Variants in ZEB1 observed in about 807,000 individuals in gnomAD.
ZEB1 encodes zinc finger E-box-binding homeobox 1.
Under a neutral mutation model 84.9 loss-of-function variants are expected in ZEB1, and 21 were observed. The observed-to-expected ratio is 0.25, with a 90% CI of 0.18 to 0.36. The LOEUF (loss-of-function observed/expected upper bound fraction) is 0.36, where lower values mean the gene tolerates loss of function less well. Ranked by LOEUF, ZEB1 falls within the 10% of genes least tolerant of loss-of-function variation. The probability of loss-of-function intolerance (pLI) is 1.00; values close to 1 mark genes in which losing one functional copy is unlikely to be tolerated. For synonymous variants in ZEB1, 420 were observed against 471.1 expected (o/e 0.89, Z 1.41); for missense variants, 1,104 against 1,330.2 (o/e 0.83, Z 2.65).
At chr10:31,455,126 G>C (rs1306610365) in intron 1 of ZEB1, among the ~76,000 whole-genome samples, 1 of 152,150 alleles carries the variant, frequency 6.6e-6, no homozygotes, top group African/African-American at 2.4e-5. Context: ...ACAACCATCT[G>C]ATCTTTGACA....
At chr10:31,356,779 G>A (rs753233046) in intron 1 of ZEB1, among the ~76,000 whole-genome samples, 2 of 152,154 alleles carry the variant, frequency 1.3e-5, no homozygotes, top group Non-Finnish European at 2.9e-5. Context: ...ATAATAATGA[G>A]ACTGGGGCTT....
intron 1 of ZEB1, among the ~76,000 whole-genome samples, chr10:31,459,049 A>C (rs1423749767): frequency 6.6e-6 from 1 of 152,158 alleles, no homozygotes; most frequent in Non-Finnish European, 1.5e-5. Flanking sequence ...CTTATAGCTT[A>C]CAGTTGGGCA....
chr10:31,356,394 A>G, intron 1 of ZEB1, among the ~76,000 whole-genome samples: 1 of 151,892 alleles, frequency 6.6e-6, no homozygotes, highest in Non-Finnish European at 1.5e-5. Flanking sequence ...TGTTTACACC[A>G]CTTATTAATG....
rs769756431 is a variant in ZEB1 at position 31,319,311 on chromosome 10, C to A, written c.58+19C>A. ...AATAACGGTGAGTGGCGGAGGGGAC[C>A]GGGGAGCGGCGGAGTCAGGGGGAGC... On this transcript the variant is annotated intron_variant, in intron 1 of 8. Coordinates refer to ENST00000424869, the MANE Select transcript of ZEB1 (RefSeq NM_001174096.2). 1 of 1,591,978 alleles carries A rather than the reference C, an allele frequency of 6.3e-7. No individual in the cohort carries two copies. The highest frequency in any genetic ancestry group is 8.5e-7 in the Non-Finnish European group (1 of 1,170,916).
chr10:31,399,897 C>A (rs796306897), intron 1 of ZEB1, among the ~76,000 whole-genome samples: 32 of 152,306 alleles, frequency 2.1e-4, no homozygotes, highest in African/African-American at 7.2e-4. Flanking sequence ...TAGAACATGC[C>A]AGGCAAGTTC....
At chr10:31,408,728 T>A (rs2135705200) in intron 1 of ZEB1, among the ~76,000 whole-genome samples, 1 of 145,848 alleles carries the variant, frequency 6.9e-6, no homozygotes, top group East Asian at 2.0e-4. Context: ...TCCTTACACC[T>A]TATACAAAAA....
chr10:31,346,563 GT>G (rs143806126), intron 1 of ZEB1, among the ~76,000 whole-genome samples: 161 of 149,024 alleles, frequency 1.1e-3, no homozygotes, highest in African/African-American at 3.2e-3. Flanking sequence ...TGCACGTAGA[GT>G]TTTTTTTTTC....
chr10:31,353,888 T>A (rs2041701074), intron 1 of ZEB1, among the ~76,000 whole-genome samples: 1 of 152,202 alleles, frequency 6.6e-6, no homozygotes, highest in Admixed American at 6.5e-5. Context: ...TGATTTGTTC[T>A]TGAAGATAAG....
chr10:31,331,853 G>A (rs1484123149), intron 1 of ZEB1, among the ~76,000 whole-genome samples: 1 of 152,140 alleles, frequency 6.6e-6, no homozygotes, highest in Non-Finnish European at 1.5e-5. Context: ...TGGAGAATTG[G>A]ATAGTAAGCA....
chr10:31,522,059 A>T, intron 7 of ZEB1, 123 bp downstream of exon 7: 9 of 1,425,886 alleles, frequency 6.3e-6, no homozygotes, highest in Non-Finnish European at 8.6e-6. Flanking sequence ...TGTCATTTTT[A>T]AAAGGATCAA....
chr10:31,340,098 TTA>T (rs1046850776), intron 1 of ZEB1, among the ~76,000 whole-genome samples: 329 of 152,288 alleles, frequency 2.2e-3, no homozygotes, highest in African/African-American at 7.6e-3. Context: ...TGCAAAATTG[TTA>T]TGTTACTCCA....
At chr10:31,524,175 A>G in intron 8 of ZEB1, 62 bp downstream of exon 8, 1 of 1,529,522 alleles carries the variant, frequency 6.5e-7, no homozygotes, top group Non-Finnish European at 8.9e-7. Flanking sequence ...ATGCAAAATT[A>G]AAAACTAAAG....
chr10:31,514,548 C>T, intron 5 of ZEB1, 55 bp from the exon 6 acceptor site: 18 of 1,496,200 alleles, frequency 1.2e-5, no homozygotes, highest in Non-Finnish European at 1.7e-5. Context: ...ATTGGATGTT[C>T]TTTAGTCTAA....
intron 1 of ZEB1, among the ~76,000 whole-genome samples, chr10:31,399,051 A>G (rs761573290): frequency 2.0e-5 from 3 of 149,824 alleles, no homozygotes; most frequent in Admixed American, 6.7e-5. Flanking sequence ...AGTGAGTGCA[A>G]TGGCATGATC....
At chr10:31,479,371 T>C (rs2064737127) in intron 2 of ZEB1, among the ~76,000 whole-genome samples, 1 of 151,848 alleles carries the variant, frequency 6.6e-6, no homozygotes, top group Non-Finnish European at 1.5e-5. Flanking sequence ...TTCTAGAAAT[T>C]TGAAGATAAA....
intron 1 of ZEB1, among the ~76,000 whole-genome samples, chr10:31,364,813 C>T (rs1263351382): frequency 6.6e-6 from 1 of 152,220 alleles, no homozygotes; most frequent in Non-Finnish European, 1.5e-5. Context: ...ATCATGGATA[C>T]AGCATCTATT....
chr10:31,424,668 T>C (rs1008677050), intron 1 of ZEB1, among the ~76,000 whole-genome samples: 3 of 151,996 alleles, frequency 2.0e-5, no homozygotes, highest in African/African-American at 7.2e-5. Flanking sequence ...AATAGGTTAT[T>C]GGAACTTGAC....
chr10:31,458,688 C>G (rs966055625), intron 1 of ZEB1, among the ~76,000 whole-genome samples: 38 of 151,988 alleles, frequency 2.5e-4, no homozygotes, highest in Non-Finnish European at 4.1e-4. Context: ...CCCTTTTACT[C>G]TAAAGTTTCA....
At chr10:31,433,490 A>G (rs1395073520) in intron 1 of ZEB1, among the ~76,000 whole-genome samples, 1 of 152,138 alleles carries the variant, frequency 6.6e-6, no homozygotes, top group Non-Finnish European at 1.5e-5. Flanking sequence ...CTGAATAACC[A>G]TTGTTTGTCA....
Sources: allele counts gnomAD v4.1 joint callset (sites outside exome capture counted in the v4.1 genomes callset), GRCh38; gene constraint gnomAD v4.1.1; transcripts MANE v1.5; gene names NCBI Gene and HGNC (gene_info 2026-07-23, HGNC 2026-07-21).